Variants in TENM4 observed in about 807,000 individuals in gnomAD.
TENM4 encodes teneurin-4.
In TENM4, 82 loss-of-function variants were observed where a neutral mutation model predicts 243.3. The ratio of observed to expected loss-of-function variants is 0.34; its 90% CI spans 0.28 to 0.40. TENM4 has a LOEUF of 0.40. Ranked by LOEUF, TENM4 falls within the 10% of genes least tolerant of loss-of-function variation. TENM4 has a pLI of 1.00. For synonymous variants in TENM4, 1,412 were observed against 1,456.3 expected (o/e 0.97, Z 0.69); for missense variants, 3,138 against 3,673.3 (o/e 0.85, Z 3.77).
intron 15 of TENM4, among the ~76,000 whole-genome samples, chr11:78,801,718 G>A (rs1016517074): frequency 6.6e-6 from 1 of 152,076 alleles, no homozygotes; most frequent in Non-Finnish European, 1.5e-5. Flanking sequence ...AGGCAGCAGG[G>A]GCCCATCTCT....
rs34975012 is a variant in TENM4 at position 79,226,329 on chromosome 11, G to T, written c.-264-10420C>A. 5.2e-3 allele frequency among the ~76,000 whole-genome samples: 799 copies of T among 152,254 alleles called. 5 individuals carry two copies. Among genetic ancestry groups the T allele is most frequent in the Non-Finnish European group, 8.4e-3 (571 of 68,036 alleles). ...TCCTTCCCACATTCACCTCTGTCCA[G>T]AGCTGCTATATCAGCAGCAAGGGCT... On this transcript the variant is annotated intron_variant, in intron 2 of 33. Transcript: ENST00000278550.
intron 6 of TENM4, among the ~76,000 whole-genome samples, chr11:79,010,560 C>T (rs1858618245): frequency 6.6e-6 from 1 of 152,088 alleles, no homozygotes; most frequent in Non-Finnish European, 1.5e-5. Flanking sequence ...GGGGAGGCCT[C>T]ACAATTATGG....
intron 1 of TENM4, among the ~76,000 whole-genome samples, chr11:79,369,823 A>G (rs780467206): frequency 1.3e-5 from 2 of 152,216 alleles, no homozygotes; most frequent in Non-Finnish European, 2.9e-5. Context: ...GAGTAGATTC[A>G]CTTAAAGCAC....
intron 4 of TENM4, among the ~76,000 whole-genome samples, chr11:79,142,165 C>T (rs146222308): frequency 1.3e-5 from 2 of 151,994 alleles, no homozygotes; most frequent in East Asian, 3.9e-4. Context: ...AAAGGGCATC[C>T]AAATTGGAAA....
At chr11:78,898,080 G>T (rs1591110659) in intron 7 of TENM4, among the ~76,000 whole-genome samples, 1 of 152,162 alleles carries the variant, frequency 6.6e-6, no homozygotes, top group African/African-American at 2.4e-5. Flanking sequence ...CAGGGTTTGG[G>T]GGACCCTAAA....
intron 7 of TENM4, 28 bp downstream of exon 7, chr11:78,903,240 A>C: frequency 4.1e-6 from 6 of 1,479,548 alleles, no homozygotes; most frequent in South Asian, 2.7e-5. Flanking sequence ...CACCCTCCTC[A>C]GCCTCACCCT....
At chr11:78,782,424 T>C (rs755786359) in intron 16 of TENM4, among the ~76,000 whole-genome samples, 1 of 152,056 alleles carries the variant, frequency 6.6e-6, no homozygotes. Flanking sequence ...ATGGAGAAAC[T>C]CTGTCTCTAC....
intron 13 of TENM4, 83 bp downstream of exon 13, chr11:78,814,211 C>G (rs1393501402): frequency 3.0e-6 from 4 of 1,342,032 alleles, no homozygotes; most frequent in African/African-American, 3.0e-5. Flanking sequence ...GGGCTGGATT[C>G]TGCACTTGCT....
At chr11:79,265,288 G>T (rs1269438771) in intron 2 of TENM4, among the ~76,000 whole-genome samples, 1 of 152,052 alleles carries the variant, frequency 6.6e-6, no homozygotes, top group African/African-American at 2.4e-5. Flanking sequence ...ACATTCCTTG[G>T]TTCTTCAGTT....
intron 6 of TENM4, among the ~76,000 whole-genome samples, chr11:78,943,908 C>T (rs1424016096): frequency 2.6e-5 from 4 of 152,178 alleles, no homozygotes; most frequent in Admixed American, 1.3e-4. Flanking sequence ...TTTGGGAAAA[C>T]GCCTGTTGCA....
chr11:78,854,201 T>G lies in TENM4; in HGVS notation c.1584A>C (p.Thr528=). 6.4e-7 allele frequency: 1 copy of G among 1,551,680 alleles called. No homozygotes were observed. Among genetic ancestry groups the G allele is most frequent in the Non-Finnish European group, 8.7e-7 (1 of 1,146,962 alleles). ...RGTVPPSSHE[T]GFIQYLDSGI... ...CTGAATCCAAATACTGGATGAAGCCTGTCTCATGGCTGGAGGGGGGCACAG... is the reference window on the plus strand; with the variant it reads ...CTGAATCCAAATACTGGATGAAGCCGGTCTCATGGCTGGAGGGGGGCACAG... The change falls in exon 12 of 34, where the codon ACA becomes ACC. Residue 528 remains threonine (T), a synonymous_variant. Coordinates refer to ENST00000278550, the MANE Select transcript of TENM4 (RefSeq NM_001098816.3).
chr11:79,252,888 C>T (rs1320751780), intron 2 of TENM4, among the ~76,000 whole-genome samples: 6 of 152,252 alleles, frequency 3.9e-5, no homozygotes, highest in South Asian at 2.1e-4. Context: ...CCCAGACAGA[C>T]GAGTAAGAGT....
At chr11:78,994,517 C>T (rs754210682) in intron 6 of TENM4, among the ~76,000 whole-genome samples, 38 of 152,180 alleles carry the variant, frequency 2.5e-4, no homozygotes, top group Admixed American at 5.9e-4. Flanking sequence ...GACCATGTAA[C>T]TTGTGTAGTT....
chr11:79,130,143 A>T (rs763922255), intron 4 of TENM4, among the ~76,000 whole-genome samples: 1 of 152,234 alleles, frequency 6.6e-6, no homozygotes, highest in Non-Finnish European at 1.5e-5. Flanking sequence ...GACAACAATC[A>T]TTGCAGTTCG....
intron 16 of TENM4, among the ~76,000 whole-genome samples, chr11:78,786,309 A>G (rs1039820583): frequency 6.6e-6 from 1 of 152,230 alleles, no homozygotes; most frequent in African/African-American, 2.4e-5. Context: ...ATGTGGCCTT[A>G]GGGCCTGTGG....
At chr11:78,889,165 G>A (rs939873080) in intron 9 of TENM4, among the ~76,000 whole-genome samples, 47 of 152,176 alleles carry the variant, frequency 3.1e-4, no homozygotes, top group Non-Finnish European at 1.0e-4. Context: ...GTGTCTGTGC[G>A]CCCTCAGCCA....
At chr11:78,668,576 G>A (rs1369607944) in intron 32 of TENM4, among the ~76,000 whole-genome samples, 2 of 152,100 alleles carry the variant, frequency 1.3e-5, no homozygotes, top group African/African-American at 4.8e-5. Context: ...TGTATCCCAT[G>A]AGATATTAGG....
chr11:78,875,910 G>A (rs544440729), intron 9 of TENM4, among the ~76,000 whole-genome samples: 3 of 152,332 alleles, frequency 2.0e-5, no homozygotes, highest in South Asian at 2.1e-4. Context: ...GGCTTTGCTG[G>A]GAGTGGCTGG....
chr11:78,712,326 T>C (rs1331466311), intron 26 of TENM4, among the ~76,000 whole-genome samples, 156 bp downstream of exon 26: 1 of 152,114 alleles, frequency 6.6e-6, no homozygotes, highest in East Asian at 1.9e-4. Flanking sequence ...TAACTGGGAG[T>C]ATTTCTGGCA....
Sources: gnomAD v4.1 joint callset for allele counts (sites outside exome capture counted in the v4.1 genomes callset) on GRCh38, gnomAD v4.1.1 for gene constraint, MANE v1.5 for transcripts, NCBI Gene and HGNC (gene_info 2026-07-23, HGNC 2026-07-21) for gene names.